The following HCN4 variants were observed in gnomAD, a reference collection of about 807,000 sequenced individuals.
HCN4 encodes hyperpolarization activated cyclic nucleotide gated potassium channel 4, also known as potassium/sodium hyperpolarization-activated cyclic nucleotide-gated channel 4.
A neutral mutation model predicts 76.9 loss-of-function variants in HCN4; 29 were observed. That is an observed-to-expected ratio of 0.38 (90% CI 0.28 to 0.51). The LOEUF (loss-of-function observed/expected upper bound fraction) is 0.51. Among genes scored for constraint, HCN4 ranks in the 20% least tolerant of loss-of-function variants. The pLI, the probability that HCN4 is intolerant of heterozygous loss-of-function variation, is 0.90. For missense variants in HCN4, 1,416 were observed against 1,715.2 expected, an observed-to-expected ratio of 0.83 and a Z score of 3.08; for synonymous variants, 772 against 762.5, an observed-to-expected ratio of 1.01 and a Z score of -0.21.
intron 1 of HCN4, among the ~76,000 whole-genome samples, chr15:73,354,778 C>CCAT (rs758405542): frequency 0.011 from 1,713 of 151,784 alleles, 26 homozygotes; most frequent in African/African-American, 0.037. Flanking sequence ...ATCATCATCC[C>CCAT]CATCATCATC....
intron 1 of HCN4, among the ~76,000 whole-genome samples, chr15:73,344,039 T>C (rs1285218389): frequency 6.6e-6 from 1 of 152,182 alleles, no homozygotes; most frequent in African/African-American, 2.4e-5. Context: ...TTCTGTGAGT[T>C]TCCCCGAGCC....
chr15:73,352,302 T>C (rs1164932901), intron 1 of HCN4, among the ~76,000 whole-genome samples: 2 of 152,126 alleles, frequency 1.3e-5, no homozygotes, highest in Non-Finnish European at 2.9e-5. Flanking sequence ...AGAAGCCACA[T>C]GATGCGGGCA....
At chr15:73,329,495 G>A (rs1331934813) in intron 4 of HCN4, 78 bp downstream of exon 4, 52 of 1,422,512 alleles carry the variant, frequency 3.7e-5, no homozygotes, top group Non-Finnish European at 2.9e-5. Context: ...GGCGGTTCCT[G>A]CTGGGGGCCC....
intron 1 of HCN4, among the ~76,000 whole-genome samples, chr15:73,344,789 AG>A (rs941261842): frequency 1.3e-5 from 2 of 152,138 alleles, no homozygotes; most frequent in African/African-American, 4.8e-5. Context: ...CTCACCAAGC[AG>A]GGGGCCTTCT....
intron 1 of HCN4, among the ~76,000 whole-genome samples, chr15:73,362,881 C>T (rs943872442): frequency 3.9e-5 from 6 of 152,220 alleles, no homozygotes. Flanking sequence ...GGAGCCGAGG[C>T]CTCTCTAGCC....
In HCN4 at chr15:73,324,224, T is replaced by G; in HGVS notation, c.2008A>C (p.Thr670Pro). The change falls in exon 7 of 8, where the codon ACA becomes CCA. Residue 670 changes from threonine (T) to proline (P), a missense_variant. Transcript: ENST00000261917. The part of the protein sequence containing the change: ...EICLLTRGRR[T>P]ASVRADTYCR... ...TAGGTGTCGGCCCTCACGCTGGCTG[T>G]GCGCCGGCCCCGGGTCAGCAGGCAG... The G allele has an allele frequency of 6.2e-7, 1 of 1,613,928 alleles. No homozygotes were observed. Among genetic ancestry groups the G allele is most frequent in the Non-Finnish European group, 8.5e-7 (1 of 1,179,938 alleles).
chr15:73,323,350 C>G lies in HCN4; in HGVS notation c.2743G>C (p.Gly915Arg), dbSNP rs1370321950. ...AGFGHFHKAL[G>R]GSLSSSDSPL... ...GAGTCGGAGGAGGACAGGGAGCCACCCAGCGCCTTGTGGAAGTGGCCAAAC... is the reference window on the plus strand; with the variant it reads ...GAGTCGGAGGAGGACAGGGAGCCACGCAGCGCCTTGTGGAAGTGGCCAAAC... The change falls in exon 8 of 8, where the codon GGT becomes CGT. Residue 915 changes from glycine (G) to arginine (R), a missense_variant. Around this residue, in one of 6 missense-constraint regions of HCN4, gnomAD observed 633 missense variants for 579.8 expected, o/e 1.09. Transcript: ENST00000261917. The G allele has an allele frequency of 6.4e-7, 1 of 1,572,186 alleles. No individual in the cohort carries two copies. The highest frequency in any genetic ancestry group is 8.6e-7 in the Non-Finnish European group (1 of 1,159,066).
Position 73,325,554 on chromosome 15 carries a change from T to G in HCN4, c.1591-110A>C, listed in dbSNP as rs2042894463. ...CGGGCACCCACCCCGGGGGATTTCC[T>G]GGCTAAACTTGGTTCCTTGAGATCT... On this transcript the variant is annotated intron_variant, in intron 4 of 7. Coordinates refer to ENST00000261917, the MANE Select transcript of HCN4 (RefSeq NM_005477.3). The surrounding 1 kb of genome is among the most constrained non-coding windows in gnomAD (Gnocchi z 7.4). The G allele has an allele frequency of 4.5e-6, 5 of 1,098,934 alleles. No homozygotes were observed. In the Admixed American group the frequency reaches 8.7e-5, roughly 19 times the overall value. The allele number at this position is 1,098,934 out of a possible 1,614,324, so 68.1% of individuals were successfully genotyped here.
chr15:73,357,597 G>C (rs559849646), intron 1 of HCN4, among the ~76,000 whole-genome samples: 205 of 152,244 alleles, frequency 1.3e-3, no homozygotes, highest in Admixed American at 5.2e-3. Context: ...TGGCATTTCA[G>C]TTCATTTTCA....
intron 1 of HCN4, among the ~76,000 whole-genome samples, chr15:73,346,212 G>A (rs932122536): frequency 6.6e-6 from 1 of 152,104 alleles, no homozygotes; most frequent in African/African-American, 2.4e-5. Context: ...AATATGGTGG[G>A]AGGAGGGATG....
chr15:73,321,947 C>A lies in HCN4; in HGVS notation c.*534G>T. 5.4e-6 allele frequency: 1 copy of A among 184,528 alleles called. No individual in the cohort carries two copies. Among genetic ancestry groups the A allele is most frequent in the South Asian group, 1.2e-4 (1 of 8,364 alleles). 11.4% of individuals were successfully genotyped at this position (184,528 alleles called of 1,614,324 possible). ...ACATATACATATACATATTCATATACAGATCTTGCTACGTTTACAGTAGAA... is the reference window on the plus strand; with the variant it reads ...ACATATACATATACATATTCATATAAAGATCTTGCTACGTTTACAGTAGAA... On this transcript the variant is annotated 3_prime_UTR_variant, in exon 8 of 8. Transcript: ENST00000261917.
Position 73,320,228 on chromosome 15 carries a change from C to G in HCN4, c.*2253G>C, listed in dbSNP as rs1176858589. 1 of 152,180 alleles carries G rather than the reference C, an allele frequency of 6.6e-6. No homozygotes were observed. The highest frequency in any genetic ancestry group is 1.5e-5 in the Non-Finnish European group (1 of 68,074). 9.4% of individuals were successfully genotyped at this position (152,180 alleles called of 1,614,324 possible). On this transcript the variant is annotated 3_prime_UTR_variant, in exon 8 of 8. Coordinates refer to ENST00000261917, the MANE Select transcript of HCN4 (RefSeq NM_005477.3). ...GGTGTGTGCAGAACTCAGGTTGAGG[C>G]TAAGTCCTTCCAGTTCTCAGAACTC...
intron 1 of HCN4, among the ~76,000 whole-genome samples, chr15:73,352,090 A>G (rs1490034823): frequency 6.6e-6 from 1 of 152,218 alleles, no homozygotes; most frequent in African/African-American, 2.4e-5. Flanking sequence ...ATCATGTTAT[A>G]AGAAACTGTG....
chr15:73,364,891 G>A (rs1179400447), intron 1 of HCN4, among the ~76,000 whole-genome samples: 1 of 152,232 alleles, frequency 6.6e-6, no homozygotes, highest in Non-Finnish European at 1.5e-5. Context: ...ATCACAGCCA[G>A]CCCTGAACTC....
Position 73,322,946 on chromosome 15 carries a change from G to T in HCN4, c.3147C>A (p.His1049Gln). Reference sequence around the variant, plus strand: ...ATGCAGGTGGCAGGAGCAAGGATCCGTGGGAGCCAGAGGCCCGGGGCGGGG... The same window carrying T: ...ATGCAGGTGGCAGGAGCAAGGATCCTTGGGAGCCAGAGGCCCGGGGCGGGG... ...PSAPPRASGSHGSLLLPPASS... is the reference protein window; with the variant it reads ...PSAPPRASGSQGSLLLPPASS... The change falls in exon 8 of 8, where the codon CAC becomes CAA. Residue 1049 changes from histidine to glutamine, a missense_variant. Physicochemically the swap from His to Gln is conservative, Grantham distance 24 (BLOSUM62 0). Coordinates refer to ENST00000261917, the MANE Select transcript of HCN4 (RefSeq NM_005477.3). 1 of 1,421,954 alleles carries T rather than the reference G, an allele frequency of 7.0e-7. No homozygotes were observed. 88.1% of individuals were successfully genotyped at this position (1,421,954 alleles called of 1,614,324 possible).
Position 73,325,227 on chromosome 15 carries a change from G to C in HCN4, c.1738-32C>G. 4 of 1,614,118 alleles carry C rather than the reference G, an allele frequency of 2.5e-6. No homozygotes were observed. Among genetic ancestry groups the C allele is most frequent in the Non-Finnish European group, 3.4e-6 (4 of 1,179,966 alleles). ...GACAGGGTGGATTGGGACACGGGAAGGAGGTGGTGAGGGGAGCTGGCTGCC... is the reference window on the plus strand; with the variant it reads ...GACAGGGTGGATTGGGACACGGGAACGAGGTGGTGAGGGGAGCTGGCTGCC... On this transcript the variant is annotated intron_variant, in intron 5 of 7. Coordinates refer to ENST00000261917, the MANE Select transcript of HCN4 (RefSeq NM_005477.3). The surrounding 1 kb of genome is among the most constrained non-coding windows in gnomAD (Gnocchi z 7.4).
In HCN4 at chr15:73,367,706, T is replaced by C; in HGVS notation, c.565A>G (p.Lys189Glu). The C allele has an allele frequency of 6.3e-7, 1 of 1,598,788 alleles. No homozygotes were observed. The highest frequency in any genetic ancestry group is 8.5e-7 in the Non-Finnish European group (1 of 1,179,242). The change falls in exon 1 of 8, where the codon AAA becomes GAA. Residue 189 changes from lysine to glutamate, a missense_variant. This residue lies in a region of HCN4 where 355 missense variants were observed against 347.8 expected (regional missense o/e 1.02). Coordinates refer to ENST00000261917, the MANE Select transcript of HCN4 (RefSeq NM_005477.3). The surrounding 1 kb of genome is among the most constrained non-coding windows in gnomAD (Gnocchi z 7.5). ...CEQPSVDTAIKVEGGAAAGDQ... is the reference protein window; with the variant it reads ...CEQPSVDTAIEVEGGAAAGDQ... ...CCGGCAGCCGCGCCTCCCTCCACTT[T>C]GATAGCGGTGTCCACCGAGGGCTGC...
chr15:73,368,283 C>G lies in HCN4; in HGVS notation c.-13G>C, dbSNP rs746535286. On this transcript the variant is annotated 5_prime_UTR_variant, in exon 1 of 8. Transcript: ENST00000261917. This position sits in a 1 kb window ranked among gnomAD's most constrained non-coding sequence, Gnocchi z 6.9. The stretch of plus-strand genomic sequence containing the variant: ...GCAGCTTGTCCATGGCGCCAGGGGC[C>G]GGGGTCGGACCGGGCCGGGGGCAGG... The G allele has an allele frequency of 6.8e-7, 1 of 1,476,924 alleles. No homozygotes were observed. The highest frequency in any genetic ancestry group is 8.9e-7 in the Non-Finnish European group (1 of 1,118,196). The allele number at this position is 1,476,924 out of a possible 1,614,324, so 91.5% of individuals were successfully genotyped here.
At chr15:73,329,196 G>A (rs1182040228) in intron 4 of HCN4, among the ~76,000 whole-genome samples, 1 of 152,170 alleles carries the variant, frequency 6.6e-6, no homozygotes, top group Non-Finnish European at 1.5e-5. Context: ...GGACTGGCCA[G>A]AGGGGCAGGA....
Sources: allele counts gnomAD v4.1 joint callset (sites outside exome capture counted in the v4.1 genomes callset), GRCh38; gene constraint gnomAD v4.1.1; regional missense constraint gnomAD v4.1.1; non-coding constraint Gnocchi (gnomAD v3.1); transcripts MANE v1.5; gene names NCBI Gene and HGNC (gene_info 2026-07-23, HGNC 2026-07-21).